The following SAXO2 variants were observed in gnomAD, a reference collection of about 807,000 sequenced individuals.
SAXO2 encodes stabilizer of axonemal microtubules 2.
A neutral mutation model predicts 18.7 loss-of-function variants in SAXO2; 17 were observed. The observed-to-expected ratio is 0.91, with a 90% CI of 0.62 to 1.36. SAXO2 has a LOEUF of 1.36. Ranked by LOEUF, SAXO2 falls within the 40% of genes most tolerant of loss-of-function variation. SAXO2 has a pLI of 0.00. For missense variants in SAXO2, 486 were observed against 562.6 expected, an observed-to-expected ratio of 0.86 and a Z score of 1.38; for synonymous variants, 163 against 181.2, an observed-to-expected ratio of 0.90 and a Z score of 0.81.
rs181989216 is a variant in SAXO2, at chr15:82,279,536, T to C, written c.434-2583T>C. ...GGGACATCCAAATAAAGATGTCTAG[T>C]AGGTGGATAAATATGTGGGTTGGTG... is the stretch of plus-strand genomic sequence containing the variant. On this transcript the variant is annotated intron_variant, in intron 3 of 3. Coordinates refer to ENST00000682753, the MANE Select transcript of SAXO2 (RefSeq NM_001348699.2). Among the ~76,000 whole-genome samples, 190 of 152,222 alleles carry C rather than the reference T, an allele frequency of 1.2e-3. 1 individual carries two copies. The highest frequency in any genetic ancestry group is 2.3e-3 in the Non-Finnish European group (155 of 67,998).
Position 82,283,145 on chromosome 15 carries a change from T to C in SAXO2, c.*83T>C. 1 of 866,572 alleles carries C rather than the reference T, an allele frequency of 1.2e-6. No individual in the cohort carries two copies. The highest frequency in any genetic ancestry group is 1.6e-6 in the Non-Finnish European group (1 of 631,888). The allele number at this position is 866,572 out of a possible 1,614,324, so 53.7% of individuals were successfully genotyped here. On this transcript the variant is annotated 3_prime_UTR_variant, in exon 4 of 4. Transcript: ENST00000682753. The stretch of plus-strand genomic sequence containing the variant: ...ACTCAATTTTTATAGTTAAAAAATT[T>C]ATGATATAATAAATCATTTTTTATA...
chr15:82,282,834 T>C lies in SAXO2; in HGVS notation c.1149T>C (p.Tyr383=), dbSNP rs776667742. 2 of 1,613,926 alleles carry C rather than the reference T, an allele frequency of 1.2e-6. No individual in the cohort carries two copies. Among genetic ancestry groups the C allele is most frequent in the Non-Finnish European group, 1.7e-6 (2 of 1,179,888 alleles). Reference sequence around the variant, plus strand: ...GTTTGAGCACTTTCAGATCTCACTATGTGCCACATGAATTGATCCCAACAG... The same window carrying C: ...GTTTGAGCACTTTCAGATCTCACTACGTGCCACATGAATTGATCCCAACAG... ...FDGLSTFRSH[Y]VPHELIPTES... is the part of the protein sequence containing the mutation. The change falls in exon 4 of 4, where the codon TAT becomes TAC. Residue 383 remains tyrosine (Y), a synonymous_variant. Coordinates refer to ENST00000682753, the MANE Select transcript of SAXO2 (RefSeq NM_001348699.2).
chr15:82,273,979 G>A lies in SAXO2; in HGVS notation c.433+2177G>A, dbSNP rs570005261. Among the ~76,000 whole-genome samples the A allele has an allele frequency of 2.6e-5, 4 of 151,920 alleles. No individual in the cohort carries two copies. The South Asian group carries it at 6.2e-4, about 24-fold the overall frequency. On this transcript the variant is annotated intron_variant, in intron 3 of 3. Transcript: ENST00000682753. Reference sequence around the variant, plus strand: ...TCTCAAACTCCTGACCTTGTGATTCGCCCGCCTTGTCCTCCCAAAGTGCTG... The same window carrying A: ...TCTCAAACTCCTGACCTTGTGATTCACCCGCCTTGTCCTCCCAAAGTGCTG...
chr15:82,274,585 C>T (rs1186601730), intron 3 of SAXO2, among the ~76,000 whole-genome samples: 2 of 151,670 alleles, frequency 1.3e-5, no homozygotes, highest in African/African-American at 2.4e-5. Context: ...TGCCTGTAAT[C>T]CCAGCTACTC....
At chr15:82,280,120 A>G (rs2075350513) in intron 3 of SAXO2, among the ~76,000 whole-genome samples, 1 of 152,208 alleles carries the variant, frequency 6.6e-6, no homozygotes, top group Admixed American at 6.5e-5. Context: ...GTTATCAAAT[A>G]TTCCATAACA....
intron 3 of SAXO2, among the ~76,000 whole-genome samples, chr15:82,279,321 G>A (rs2075342523): frequency 6.6e-6 from 1 of 152,056 alleles, no homozygotes; most frequent in African/African-American, 2.4e-5. Context: ...TATTTAGAAG[G>A]TAATATCAAC....
At chr15:82,272,167 GA>G (rs2075277987) in intron 3 of SAXO2, 1 of 213,150 alleles carries the variant, frequency 4.7e-6, no homozygotes, top group Non-Finnish European at 9.4e-6. Context: ...AAACTCTACC[GA>G]GAGTATTGGG....
chr15:82,264,459 A>G (rs1321446929), intron 1 of SAXO2, among the ~76,000 whole-genome samples: 1 of 151,904 alleles, frequency 6.6e-6, no homozygotes, highest in African/African-American at 2.4e-5. Flanking sequence ...ACCAACTTCC[A>G]ATGATCATGC....
intron 3 of SAXO2, among the ~76,000 whole-genome samples, chr15:82,272,531 G>C (rs774653154): frequency 6.6e-6 from 1 of 151,122 alleles, no homozygotes; most frequent in East Asian, 1.9e-4. Context: ...CTGTTTTTTT[G>C]TTGTTGTTGT....
chr15:82,263,365 G>C, intron 1 of SAXO2: 1 of 781,258 alleles, frequency 1.3e-6, no homozygotes, highest in East Asian at 2.7e-5. Context: ...GTAGCTTTCT[G>C]TCCTCCCAGC....
chr15:82,265,169 C>T (rs1433610519), intron 1 of SAXO2, among the ~76,000 whole-genome samples: 1 of 152,070 alleles, frequency 6.6e-6, no homozygotes, highest in African/African-American at 2.4e-5. Flanking sequence ...GAGACAGAGC[C>T]TTGTTCTGTC....
chr15:82,283,067 C>A lies in SAXO2; in HGVS notation c.*5C>A. 1 of 1,577,488 alleles carries A rather than the reference C, an allele frequency of 6.3e-7. No individual in the cohort carries two copies. ...CCTGCAGTGAAGGCCTTCTAATAACCAAAATGTGCTTAAAAGGAAGGTACT... is the reference window on the plus strand; with the variant it reads ...CCTGCAGTGAAGGCCTTCTAATAACAAAAATGTGCTTAAAAGGAAGGTACT... On this transcript the variant is annotated 3_prime_UTR_variant, in exon 4 of 4. Transcript: ENST00000682753.
At chr15:82,264,312 C>T (rs776087945) in intron 1 of SAXO2, among the ~76,000 whole-genome samples, 1 of 151,414 alleles carries the variant, frequency 6.6e-6, no homozygotes, top group Non-Finnish European at 1.5e-5. Flanking sequence ...CTGCCTGCCT[C>T]GGCTTCCCAA....
At chr15:82,263,463 T>G in intron 1 of SAXO2, 1 of 702,434 alleles carries the variant, frequency 1.4e-6, no homozygotes, top group Non-Finnish European at 2.6e-6. Context: ...CCCTGAAATC[T>G]AGAATCCAAC....
intron 3 of SAXO2, among the ~76,000 whole-genome samples, chr15:82,277,620 C>T (rs1336648569): frequency 6.6e-6 from 1 of 152,102 alleles, no homozygotes; most frequent in African/African-American, 2.4e-5. Context: ...GCCAGATAAT[C>T]TACAAAATCA....
chr15:82,267,375 G>A (rs1205000190), intron 2 of SAXO2, among the ~76,000 whole-genome samples: 1 of 152,210 alleles, frequency 6.6e-6, no homozygotes, highest in East Asian at 1.9e-4. Context: ...TCCAAAGGAA[G>A]CAATCAGATA....
At chr15:82,276,471 A>T (rs940207633) in intron 3 of SAXO2, among the ~76,000 whole-genome samples, 3 of 152,248 alleles carry the variant, frequency 2.0e-5, no homozygotes, top group African/African-American at 7.2e-5. Context: ...ACAAAGTTAC[A>T]GTAACCAAAA....
At chr15:82,270,011 G>A (rs778207801) in intron 2 of SAXO2, among the ~76,000 whole-genome samples, 35 of 152,150 alleles carry the variant, frequency 2.3e-4, no homozygotes, top group Non-Finnish European at 4.6e-4. Flanking sequence ...GGGAAATAGC[G>A]AGTTGATTTG....
At chr15:82,266,168 C>T (rs1412164273) in intron 2 of SAXO2, among the ~76,000 whole-genome samples, 1 of 151,964 alleles carries the variant, frequency 6.6e-6, no homozygotes, top group Non-Finnish European at 1.5e-5. Flanking sequence ...ACAAAAAAAT[C>T]TCATAATGTT....
Sources: allele counts gnomAD v4.1 joint callset (sites outside exome capture counted in the v4.1 genomes callset), GRCh38; gene constraint gnomAD v4.1.1; transcripts MANE v1.5; gene names NCBI Gene and HGNC (gene_info 2026-07-23, HGNC 2026-07-21).